The following AGAP1 variants were observed in gnomAD, a reference collection of about 807,000 sequenced individuals.
AGAP1 encodes the protein ArfGAP with GTPase domain, ankyrin repeat and PH domain 1.
Under a neutral mutation model 105.3 loss-of-function variants are expected in AGAP1, and 29 were observed. The ratio of observed to expected loss-of-function variants is 0.28; its 90% CI spans 0.21 to 0.38. AGAP1 has a LOEUF of 0.38. Among genes scored for constraint, AGAP1 ranks in the 10% least tolerant of loss-of-function variants. The probability of loss-of-function intolerance (pLI) is 1.00; values close to 1 mark genes in which losing one functional copy is unlikely to be tolerated. For missense variants in AGAP1, 998 were observed against 1,165.1 expected, an observed-to-expected ratio of 0.86 and a Z score of 2.09; for synonymous variants, 509 against 485.9, an observed-to-expected ratio of 1.05 and a Z score of -0.63.
rs1330664257 is a variant in AGAP1, at chr2:235,541,490, C to A, written c.163+46641C>A. 3.4e-5 allele frequency among the ~76,000 whole-genome samples: 5 copies of A among 148,644 alleles called. No individual in the cohort carries two copies. The Admixed American group carries it at 3.4e-4, about 10-fold the overall frequency. On this transcript the variant is annotated intron_variant, in intron 1 of 17. Transcript: ENST00000304032. ...GCAAGCTCCACCTCCCGGGTTCACA[C>A]CATTCTCCTGCCTCAGCCTCCTGAG... is the stretch of plus-strand genomic sequence containing the variant.
At chr2:235,528,116 A>G (rs1942911042) in intron 1 of AGAP1, among the ~76,000 whole-genome samples, 1 of 152,170 alleles carries the variant, frequency 6.6e-6, no homozygotes, top group Admixed American at 6.5e-5. Context: ...TCTGTCAGAA[A>G]TTTGTTTTTA....
At chr2:235,911,240 G>A (rs777528812) in intron 11 of AGAP1, among the ~76,000 whole-genome samples, 2 of 152,090 alleles carry the variant, frequency 1.3e-5, no homozygotes, top group East Asian at 1.9e-4. Flanking sequence ...CACAGTTCCC[G>A]CCTTCAGGAA....
chr2:235,984,264 A>G (rs1301288808), intron 13 of AGAP1, among the ~76,000 whole-genome samples: 1 of 152,172 alleles, frequency 6.6e-6, no homozygotes, highest in Non-Finnish European at 1.5e-5. Context: ...ATAATATTCC[A>G]TAGTGTGGAT....
rs2059102538 is a variant in AGAP1, at chr2:236,092,987, T to C, written c.2115-27205T>C. Among the ~76,000 whole-genome samples, 1 of 152,182 alleles carries C rather than the reference T, an allele frequency of 6.6e-6. No homozygotes were observed. The highest frequency in any genetic ancestry group is 1.5e-5 in the Non-Finnish European group (1 of 68,030). ...GGAACAATTGAAGCATCTAAAAGAA[T>C]AGTGTTGGTGGCAGTTTATGTGACA... On this transcript the variant is annotated intron_variant, in intron 16 of 17. Coordinates refer to ENST00000304032, the MANE Select transcript of AGAP1 (RefSeq NM_001037131.3). The surrounding 1 kb of genome is among the most constrained non-coding windows in gnomAD (Gnocchi z 4.7).
chr2:235,954,335 G>A (rs2053859693), intron 12 of AGAP1, among the ~76,000 whole-genome samples: 1 of 151,924 alleles, frequency 6.6e-6, no homozygotes, highest in Non-Finnish European at 1.5e-5. Flanking sequence ...GGGGTGCAGT[G>A]TCCAAGGGAG....
In AGAP1 at chr2:235,799,531, C is replaced by G; in HGVS notation, c.957+9C>G. The G allele has an allele frequency of 6.2e-7, 1 of 1,612,982 alleles. No individual in the cohort carries two copies. Among genetic ancestry groups the G allele is most frequent in the East Asian group, 2.2e-5 (1 of 44,852 alleles). ...GGTCCAACCTGTTCACCGTGAGTGTCAACCCTGGGTGGAGATTTGAATGCG... is the reference window on the plus strand; with the variant it reads ...GGTCCAACCTGTTCACCGTGAGTGTGAACCCTGGGTGGAGATTTGAATGCG... On this transcript the variant is annotated intron_variant, in intron 8 of 17. Transcript: ENST00000304032. The surrounding 1 kb of genome is among the most constrained non-coding windows in gnomAD (Gnocchi z 5.0).
At position 235,733,746 on chromosome 2, in the gene AGAP1, C is replaced by T. The variant is rs1044961983; in HGVS notation, c.311-7217C>T. On this transcript the variant is annotated intron_variant, in intron 3 of 17. Transcript: ENST00000304032. The surrounding 1 kb of genome is among the most constrained non-coding windows in gnomAD (Gnocchi z 5.0). The stretch of plus-strand genomic sequence containing the variant: ...CGGGTCAGAACCCCGGAGTGTTTCA[C>T]CCATGGAAATAGTCAGCAGTCGCCA... 4.6e-5 allele frequency among the ~76,000 whole-genome samples: 7 copies of T among 152,060 alleles called. No individual in the cohort carries two copies. Among genetic ancestry groups the T allele is most frequent in the African/African-American group, 1.7e-4 (7 of 41,376 alleles).
Position 235,543,995 on chromosome 2 carries a change from G to A in AGAP1, c.163+49146G>A, listed in dbSNP as rs117395764. Among the ~76,000 whole-genome samples, 49 of 152,300 alleles carry A rather than the reference G, an allele frequency of 3.2e-4. 1 individual carries two copies. In the East Asian group the frequency reaches 9.5e-3, roughly 29 times the overall value. On this transcript the variant is annotated intron_variant, in intron 1 of 17. Coordinates refer to ENST00000304032, the MANE Select transcript of AGAP1 (RefSeq NM_001037131.3). ...CAGGCCACTGCTGTGGCCTAGATCG[G>A]GTTGGCTCTGGCCGTGCCCCATTCC...
chr2:235,902,658 CAG>C (rs2051122713), intron 10 of AGAP1, among the ~76,000 whole-genome samples: 1 of 152,136 alleles, frequency 6.6e-6, no homozygotes, highest in Non-Finnish European at 1.5e-5. Flanking sequence ...AACTGAAAAC[CAG>C]AGTCAGTCAA....
intron 9 of AGAP1, among the ~76,000 whole-genome samples, chr2:235,814,737 A>G (rs1019713923): frequency 6.6e-6 from 1 of 152,292 alleles, no homozygotes. Context: ...CTGGACTGGG[A>G]CATACAAGTA....
At position 235,977,012 on chromosome 2, in the gene AGAP1, C is replaced by G. The variant is rs1309642611; in HGVS notation, c.1645+8389C>G. On this transcript the variant is annotated intron_variant, in intron 13 of 17. Coordinates refer to ENST00000304032, the MANE Select transcript of AGAP1 (RefSeq NM_001037131.3). This position sits in a 1 kb window ranked among gnomAD's most constrained non-coding sequence, Gnocchi z 5.2. ...ACCTTTGAAAAATGCTGACTACTCA[C>G]AAGGTCCCTTTCTAAGATACAGAAA... 6.6e-6 allele frequency among the ~76,000 whole-genome samples: 1 copy of G among 152,194 alleles called. No homozygotes were observed. The highest frequency in any genetic ancestry group is 2.4e-5 in the African/African-American group (1 of 41,434).
At position 235,906,086 on chromosome 2, in the gene AGAP1, G is replaced by A. The variant is rs1371413891; in HGVS notation, c.1156-2652G>A. ...CCACCATGACAGCTTTCCTCCAAGG[G>A]GGCTGTGGCTGACTCCAGCCAGCCT... On this transcript the variant is annotated intron_variant, in intron 10 of 17. Transcript: ENST00000304032. The surrounding 1 kb of genome is among the most constrained non-coding windows in gnomAD (Gnocchi z 5.3). Among the ~76,000 whole-genome samples the A allele has an allele frequency of 1.3e-5, 2 of 152,136 alleles. No homozygotes were observed. The highest frequency in any genetic ancestry group is 6.5e-5 in the Admixed American group (1 of 15,286).
chr2:235,731,789 A>G (rs969833481), intron 3 of AGAP1, among the ~76,000 whole-genome samples: 2 of 152,222 alleles, frequency 1.3e-5, no homozygotes, highest in African/African-American at 2.4e-5. Flanking sequence ...AAAGCTATTC[A>G]GGGTCACACA....
At chr2:235,590,689 G>C (rs1335403619) in intron 1 of AGAP1, among the ~76,000 whole-genome samples, 4 of 104,782 alleles carry the variant, frequency 3.8e-5, no homozygotes, top group Non-Finnish European at 8.3e-5. Context: ...GTGTGTGCGT[G>C]TGCGTGTGTG....
chr2:235,932,286 A>G (rs2052762267), intron 12 of AGAP1, among the ~76,000 whole-genome samples: 1 of 152,092 alleles, frequency 6.6e-6, no homozygotes, highest in African/African-American at 2.4e-5. Context: ...TATCTGTTCA[A>G]TGGACACGTT....
In AGAP1 at chr2:235,549,559, C is replaced by A. The variant is rs12470301; in HGVS notation, c.163+54710C>A. ...TTTCACGTACAGAGTTGCATTGCTCCTCCGTCTTCCGCGTGCCTGTGGGCA... is the reference window on the plus strand; with the variant it reads ...TTTCACGTACAGAGTTGCATTGCTCATCCGTCTTCCGCGTGCCTGTGGGCA... On this transcript the variant is annotated intron_variant, in intron 1 of 17. Coordinates refer to ENST00000304032, the MANE Select transcript of AGAP1 (RefSeq NM_001037131.3). The surrounding 1 kb of genome is among the most constrained non-coding windows in gnomAD (Gnocchi z 4.2). Among the ~76,000 whole-genome samples the A allele has an allele frequency of 2.6e-5, 4 of 151,986 alleles. No homozygotes were observed. Among genetic ancestry groups the A allele is most frequent in the Admixed American group, 6.5e-5 (1 of 15,278 alleles).
Position 235,541,520 on chromosome 2 carries a change from T to C in AGAP1, c.163+46671T>C, listed in dbSNP as rs545466329. Among the ~76,000 whole-genome samples, 642 of 151,634 alleles carry C rather than the reference T, an allele frequency of 4.2e-3. 2 individuals are homozygous for C. The highest frequency in any genetic ancestry group is 6.1e-3 in the Non-Finnish European group (417 of 67,898). The stretch of plus-strand genomic sequence containing the variant: ...CTCCTGCCTCAGCCTCCTGAGTAGC[T>C]GGGACTACAGGCGCCCGCCACCGTG... On this transcript the variant is annotated intron_variant, in intron 1 of 17. Transcript: ENST00000304032.
rs145885141 is a variant in AGAP1, at chr2:235,840,153, G to A, written c.1050+32822G>A. Among the ~76,000 whole-genome samples the A allele has an allele frequency of 1.1e-3, 169 of 152,332 alleles. 1 individual carries two copies. The highest frequency in any genetic ancestry group is 3.9e-3 in the African/African-American group (164 of 41,572). ...CTTACAGTTAGGGGAGTTAGGGCAG[G>A]TTCCCTCCAGAGGTGACACCTGTTG... On this transcript the variant is annotated intron_variant, in intron 9 of 17. Coordinates refer to ENST00000304032, the MANE Select transcript of AGAP1 (RefSeq NM_001037131.3).
intron 8 of AGAP1, among the ~76,000 whole-genome samples, chr2:235,804,241 A>G (rs1957726516): frequency 1.3e-5 from 2 of 152,206 alleles, no homozygotes; most frequent in African/African-American, 4.8e-5. Context: ...TTGAAATTAT[A>G]CATTACATGG....
Sources: allele counts gnomAD v4.1 joint callset (sites outside exome capture counted in the v4.1 genomes callset), GRCh38; gene constraint gnomAD v4.1.1; non-coding constraint Gnocchi (gnomAD v3.1); transcripts MANE v1.5; gene names NCBI Gene and HGNC (gene_info 2026-07-23, HGNC 2026-07-21).